The following TMEM183A variants were observed in gnomAD, a reference collection of about 807,000 sequenced individuals.
TMEM183A encodes transmembrane protein 183A, also known as chromosome 1 open reading frame 37.
In TMEM183A, 21 loss-of-function variants were observed where a neutral mutation model predicts 46.7. The ratio of observed to expected loss-of-function variants is 0.45; its 90% CI spans 0.32 to 0.65. TMEM183A has a LOEUF of 0.65. Ranked by LOEUF, TMEM183A falls within the 30% of genes least tolerant of loss-of-function variation. The pLI, the probability that TMEM183A is intolerant of heterozygous loss-of-function variation, is 0.04. For synonymous variants in TMEM183A, 165 were observed against 180.2 expected (o/e 0.92, Z 0.68); for missense variants, 331 against 481.9 (o/e 0.69, Z 2.93).
At chr1:203,007,995 T>G in intron 2 of TMEM183A, 132 bp downstream of exon 2, 1 of 1,109,374 alleles carries the variant, frequency 9.0e-7, no homozygotes, top group East Asian at 2.6e-5. Context: ...AACTTACATA[T>G]TGGGGTGGAG....
chr1:203,007,687 C>T (rs1232592509), intron 1 of TMEM183A, 87 bp from the exon 2 acceptor site: 6 of 1,575,512 alleles, frequency 3.8e-6, no homozygotes, highest in African/African-American at 2.7e-5. Flanking sequence ...CGGCTCGGTC[C>T]GGGGGCCTGC....
intron 6 of TMEM183A, among the ~76,000 whole-genome samples, chr1:203,018,928 G>A (rs1657419459): frequency 6.6e-6 from 1 of 152,184 alleles, no homozygotes; most frequent in Admixed American, 6.5e-5. Context: ...TCCCCAGTAG[G>A]TCACCTCCTA....
At chr1:203,008,923 A>G in intron 3 of TMEM183A, 113 bp downstream of exon 3, 2 of 1,184,538 alleles carry the variant, frequency 1.7e-6, no homozygotes, top group Non-Finnish European at 2.2e-6. Flanking sequence ...AGGAGAGTTT[A>G]AAGAAAACTT....
In TMEM183A at chr1:203,007,799, G is replaced by C. The variant is rs1377108743; in HGVS notation, c.135G>C (p.Ser45=). 6.2e-7 allele frequency: 1 copy of C among 1,614,004 alleles called. No homozygotes were observed. Among genetic ancestry groups the C allele is most frequent in the East Asian group, 2.2e-5 (1 of 44,870 alleles). Residue 45 remains serine, a synonymous_variant, in exon 2 of 8, where the codon TCG becomes TCC. Transcript: ENST00000367242. ...GRVTVADYAN[S]DPAVVRSGRV... The stretch of plus-strand genomic sequence containing the variant: ...TGACCGTGGCGGATTACGCCAACTC[G>C]GATCCGGCGGTCGTGAGGTCTGGAC...
At chr1:203,014,360 T>TG (rs755916343) in intron 3 of TMEM183A, among the ~76,000 whole-genome samples, 3 of 152,138 alleles carry the variant, frequency 2.0e-5, no homozygotes, top group Non-Finnish European at 4.4e-5. Context: ...CCCAGCACTT[T>TG]GGGAGGCCAA....
chr1:203,012,278 C>CACACACAT (rs58503894), intron 3 of TMEM183A, among the ~76,000 whole-genome samples: 6 of 147,274 alleles, frequency 4.1e-5, no homozygotes, highest in Non-Finnish European at 7.5e-5. Flanking sequence ...CACACACACA[C>CACACACAT]GGTTATTTTG....
At chr1:203,008,238 TGA>T (rs1656179552) in intron 2 of TMEM183A, among the ~76,000 whole-genome samples, 1 of 152,210 alleles carries the variant, frequency 6.6e-6, no homozygotes, top group Admixed American at 6.5e-5. Context: ...CTCATGGGTC[TGA>T]GACTTGTGTT....
intron 3 of TMEM183A, among the ~76,000 whole-genome samples, 175 bp downstream of exon 3, chr1:203,008,985 T>A (rs1656284852): frequency 1.3e-5 from 2 of 152,216 alleles, no homozygotes; most frequent in South Asian, 4.1e-4. Flanking sequence ...CACCTGGGCT[T>A]TCTTTTTTCT....
rs1008693717 is a variant in TMEM183A at position 203,007,798 on chromosome 1, C to G, written c.134C>G (p.Ser45Trp). The G allele has an allele frequency of 1.2e-6, 2 of 1,613,822 alleles. No individual in the cohort carries two copies. The highest frequency in any genetic ancestry group is 2.7e-5 in the African/African-American group (2 of 74,906). ...GRVTVADYAN[S>W]DPAVVRSGRV... ...GTGACCGTGGCGGATTACGCCAACTCGGATCCGGCGGTCGTGAGGTCTGGA... is the reference window on the plus strand; with the variant it reads ...GTGACCGTGGCGGATTACGCCAACTGGGATCCGGCGGTCGTGAGGTCTGGA... The change falls in exon 2 of 8, where the codon TCG (serine) becomes TGG (tryptophan). Residue 45 changes from serine (S) to tryptophan (W), a missense_variant. By Grantham distance (177) the Ser-to-Trp change is radical. Coordinates refer to ENST00000367242, the MANE Select transcript of TMEM183A (RefSeq NM_138391.6).
chr1:203,016,241 T>C, intron 5 of TMEM183A, 101 bp downstream of exon 5: 1 of 1,541,716 alleles, frequency 6.5e-7, no homozygotes, highest in Non-Finnish European at 8.9e-7. Context: ...GGGGTGTAGG[T>C]CCCAGGCTGC....
chr1:203,016,269 C>T, intron 5 of TMEM183A, 129 bp downstream of exon 5: 1 of 1,325,102 alleles, frequency 7.5e-7, no homozygotes, highest in South Asian at 1.3e-5. Flanking sequence ...CTAATGTAAA[C>T]TTCAGGGCTC....
intron 7 of TMEM183A, among the ~76,000 whole-genome samples, chr1:203,022,575 C>T (rs1048811556): frequency 4.6e-5 from 7 of 151,814 alleles, no homozygotes; most frequent in African/African-American, 1.5e-4. Flanking sequence ...TGGTGGTGCA[C>T]GCCTATATTC....
At chr1:203,014,776 C>T in intron 3 of TMEM183A, 113 bp from the exon 4 acceptor site, 1 of 1,435,422 alleles carries the variant, frequency 7.0e-7, no homozygotes, top group Non-Finnish European at 9.3e-7. Context: ...TTTCCTTGGA[C>T]CTATTTAAAA....
At chr1:203,022,751 G>A in intron 7 of TMEM183A, 104 bp from the exon 8 acceptor site, 1 of 1,286,948 alleles carries the variant, frequency 7.8e-7, no homozygotes, top group Non-Finnish European at 1.1e-6. Flanking sequence ...GATTAATCTT[G>A]TGGCCTAGCC....
Position 203,007,598 on chromosome 1 carries a change from T to C in TMEM183A, c.109+24T>C, listed in dbSNP as rs753069267. On this transcript the variant is annotated intron_variant, in intron 1 of 7. Transcript: ENST00000367242. ...AGGTGGGCGAGGGGGGCAGGGGCGC[T>C]GAAACATTTTGGGGGCTGGCGGCTG... The C allele has an allele frequency of 1.4e-5, 22 of 1,535,316 alleles. No homozygotes were observed. In the South Asian group the frequency reaches 2.5e-4, roughly 17 times the overall value.
intron 3 of TMEM183A, among the ~76,000 whole-genome samples, chr1:203,012,055 GT>G (rs566090330): frequency 7.3e-5 from 11 of 149,866 alleles, no homozygotes; most frequent in South Asian, 6.4e-4. Flanking sequence ...CTATTAAAAA[GT>G]TTTTTTTCTC....
chr1:203,011,600 G>T (rs1330629479), intron 3 of TMEM183A, among the ~76,000 whole-genome samples: 1 of 152,016 alleles, frequency 6.6e-6, no homozygotes, highest in Non-Finnish European at 1.5e-5. Context: ...ATAGAGATGG[G>T]ATTTCTCCAT....
chr1:203,022,717 A>AG, intron 7 of TMEM183A, 138 bp from the exon 8 acceptor site: 1 of 1,251,998 alleles, frequency 8.0e-7, no homozygotes, highest in East Asian at 2.4e-5. Context: ...AAAAAAAAAA[A>AG]AGGTGTTTGT....
chr1:203,008,614 C>A, intron 2 of TMEM183A, 29 bp from the exon 3 acceptor site: 1 of 1,473,416 alleles, frequency 6.8e-7, no homozygotes, highest in South Asian at 1.4e-5. Context: ...AGCTGTGTGC[C>A]ATCTCATTCT....
Sources: allele counts gnomAD v4.1 joint callset (sites outside exome capture counted in the v4.1 genomes callset), GRCh38; gene constraint gnomAD v4.1.1; transcripts MANE v1.5; gene names NCBI Gene and HGNC (gene_info 2026-07-23, HGNC 2026-07-21).